The following CLVS1 variants were observed in gnomAD, a reference collection of about 807,000 sequenced individuals.
The protein encoded by CLVS1 is clavesin-1.
A neutral mutation model predicts 33.1 loss-of-function variants in CLVS1; 10 were observed. The ratio of observed to expected loss-of-function variants is 0.30; its 90% CI spans 0.19 to 0.51. The LOEUF (loss-of-function observed/expected upper bound fraction) is 0.51. CLVS1 is among the 20% of genes least tolerant of loss of function. The probability of loss-of-function intolerance (pLI) is 0.97; values close to 1 mark genes in which losing one functional copy is unlikely to be tolerated. For missense variants in CLVS1, 343 were observed against 433.4 expected, an observed-to-expected ratio of 0.79 and a Z score of 1.85; for synonymous variants, 163 against 166.1, an observed-to-expected ratio of 0.98 and a Z score of 0.14.
intron 5 of CLVS1, among the ~76,000 whole-genome samples, chr8:61,489,208 C>T (rs952877708): frequency 9.2e-5 from 14 of 152,178 alleles, no homozygotes; most frequent in African/African-American, 3.1e-4. Flanking sequence ...TTAATGTAAA[C>T]TATTGGATTC....
At chr8:61,488,498 T>C (rs1459592473) in intron 5 of CLVS1, among the ~76,000 whole-genome samples, 1 of 152,246 alleles carries the variant, frequency 6.6e-6, no homozygotes, top group Non-Finnish European at 1.5e-5. Flanking sequence ...TTTTCCTTGA[T>C]TTTCTTCAAG....
Position 61,468,735 on chromosome 8 carries a change from A to AAAAAAAAAG in CLVS1, c.977+10197_977+10198insAAAAGAAAA, listed in dbSNP as rs1217287345. On this transcript the variant is annotated intron_variant, in intron 5 of 5. Transcript: ENST00000325897. ...AAGTACTAAAAAAAAAAAAAAAAAAAAAAAGGTAGTTACTATGTGCTATTT... is the reference window on the plus strand; with the variant it reads ...AAGTACTAAAAAAAAAAAAAAAAAAAAAAAAAAAGAAAAGGTAGTTACTATGTGCTATTT... Among the ~76,000 whole-genome samples the AAAAAAAAAG allele has an allele frequency of 8.6e-5, 12 of 138,760 alleles. 2 individuals carry two copies. The highest frequency in any genetic ancestry group is 4.0e-4 in the East Asian group (2 of 4,976). The allele number at this position is 138,760 out of a possible 152,430, so 91.0% of individuals were successfully genotyped here.
At chr8:61,474,910 AG>A (rs1817861180) in intron 5 of CLVS1, among the ~76,000 whole-genome samples, 2 of 152,294 alleles carry the variant, frequency 1.3e-5, no homozygotes, top group South Asian at 4.1e-4. Flanking sequence ...CTCGTCATTT[AG>A]CATTAGGTAT....
intron 3 of CLVS1, among the ~76,000 whole-genome samples, chr8:61,414,472 C>A (rs1277125939): frequency 6.6e-6 from 1 of 150,792 alleles, no homozygotes; most frequent in Non-Finnish European, 1.5e-5. Context: ...TTTTTAATGG[C>A]ACAAAGTGGG....
chr8:61,130,915 A>G (rs747622535), intron 1 of CLVS1, among the ~76,000 whole-genome samples: 2 of 152,232 alleles, frequency 1.3e-5, no homozygotes, highest in Non-Finnish European at 2.9e-5. Context: ...AGACTCATCA[A>G]CTCATAAAAA....
At chr8:61,294,719 T>C (rs371390853) in intron 1 of CLVS1, among the ~76,000 whole-genome samples, 3 of 148,832 alleles carry the variant, frequency 2.0e-5, no homozygotes, top group African/African-American at 7.5e-5. Flanking sequence ...CTGATATAAT[T>C]CTGACCTTTT....
intron 1 of CLVS1, among the ~76,000 whole-genome samples, chr8:61,064,245 AGTGGAATTGCTG>A (rs1427054954): frequency 6.6e-6 from 1 of 152,184 alleles, no homozygotes; most frequent in Non-Finnish European, 1.5e-5. Flanking sequence ...TATACCTAGG[AGTGGAATTGCTG>A]GATCATATAG....
chr8:61,450,545 G>A (rs1816914433), intron 3 of CLVS1, among the ~76,000 whole-genome samples: 1 of 152,188 alleles, frequency 6.6e-6, no homozygotes, highest in Non-Finnish European at 1.5e-5. Flanking sequence ...TGTTCGTCAT[G>A]TAGTAGATAC....
At chr8:61,417,116 A>G (rs1283243131) in intron 3 of CLVS1, among the ~76,000 whole-genome samples, 1 of 152,202 alleles carries the variant, frequency 6.6e-6, no homozygotes, top group Non-Finnish European at 1.5e-5. Flanking sequence ...GAAGACAGGC[A>G]GGATGAGTGT....
the CLVS1 span, among the ~76,000 whole-genome samples, chr8:60,968,725 C>CA: frequency 1.5e-4 from 23 of 151,178 alleles, no homozygotes; most frequent in Admixed American, 5.3e-4. Flanking sequence ...CCCATCTCTA[C>CA]AAAAAATACA....
Position 61,272,649 on chromosome 8 carries a change from G to T in CLVS1, c.-151-27028G>T, listed in dbSNP as rs531288673. On this transcript the variant is annotated intron_variant, in intron 2 of 2. Transcript: ENST00000522621. ...GGTACACCAATCAGACGTAGATTTGGTCTTTTCACGTAGTCCCATATTTCT... is the reference window on the plus strand; with the variant it reads ...GGTACACCAATCAGACGTAGATTTGTTCTTTTCACGTAGTCCCATATTTCT... 1.3e-4 allele frequency among the ~76,000 whole-genome samples: 20 copies of T among 152,212 alleles called. No individual in the cohort carries two copies. The South Asian group carries it at 4.2e-3, about 32-fold the overall frequency.
At chr8:60,984,387 C>T in the CLVS1 span, among the ~76,000 whole-genome samples, 1 of 149,238 alleles carries the variant, frequency 6.7e-6, no homozygotes. Flanking sequence ...ATGGCGGGAT[C>T]TCAGCTCACT....
At position 61,239,979 on chromosome 8, in the gene CLVS1, C is replaced by T. The variant is rs1323112858; in HGVS notation, c.-151-59698C>T. ...CCATAGACTTAGTTCACACCCCTTC[C>T]GTCAAGCACAGTGCTTTTCCCCAGT... is the stretch of plus-strand genomic sequence containing the variant. On this transcript the variant is annotated intron_variant, in intron 2 of 2. Transcript: ENST00000522621. 4.6e-5 allele frequency among the ~76,000 whole-genome samples: 7 copies of T among 152,284 alleles called. 1 individual carries two copies. The highest frequency in any genetic ancestry group is 4.1e-4 in the South Asian group (2 of 4,822).
chr8:61,081,659 T>A (rs557721824), intron 1 of CLVS1, among the ~76,000 whole-genome samples: 1 of 152,268 alleles, frequency 6.6e-6, no homozygotes, highest in Admixed American at 6.5e-5. Context: ...GCTTCCAGTC[T>A]GGTGTATAAG....
At chr8:61,238,265 T>G (rs910719497) in intron 2 of CLVS1, among the ~76,000 whole-genome samples, 3 of 152,030 alleles carry the variant, frequency 2.0e-5, no homozygotes, top group Non-Finnish European at 4.4e-5. Context: ...CTTTCCTCCC[T>G]CTAGCCTTCC....
intron 2 of CLVS1, among the ~76,000 whole-genome samples, chr8:61,368,774 A>G (rs956980853): frequency 6.6e-6 from 1 of 152,228 alleles, no homozygotes; most frequent in Non-Finnish European, 1.5e-5. Flanking sequence ...TCAATACATT[A>G]TTTCTAAAAA....
intron 2 of CLVS1, among the ~76,000 whole-genome samples, chr8:61,226,962 G>A (rs1306729606): frequency 6.7e-6 from 1 of 148,920 alleles, no homozygotes; most frequent in Non-Finnish European, 1.5e-5. Flanking sequence ...AAGAACACCT[G>A]CTATATTACG....
intron 3 of CLVS1, among the ~76,000 whole-genome samples, chr8:61,414,505 A>C (rs1173227923): frequency 6.6e-6 from 1 of 151,838 alleles, no homozygotes; most frequent in Non-Finnish European, 1.5e-5. Flanking sequence ...TATCTTTGAT[A>C]AACAAAGATG....
At chr8:60,993,658 C>T in the CLVS1 span, among the ~76,000 whole-genome samples, 1 of 152,226 alleles carries the variant, frequency 6.6e-6, no homozygotes, top group African/African-American at 2.4e-5. Flanking sequence ...AAAGGCAGCT[C>T]CTCCTGAATA....
Sources: allele counts gnomAD v4.1 joint callset (sites outside exome capture counted in the v4.1 genomes callset), GRCh38; gene constraint gnomAD v4.1.1; transcripts MANE v1.5; gene names NCBI Gene and HGNC (gene_info 2026-07-23, HGNC 2026-07-21).